The following GNB1L variants were observed in gnomAD, a reference collection of about 807,000 sequenced individuals.
GNB1L encodes the protein G protein subunit beta 1 like.
In GNB1L, 20 loss-of-function variants were observed where a neutral mutation model predicts 29.1. The ratio of observed to expected loss-of-function variants is 0.69; its 90% CI spans 0.48 to 1.00. The LOEUF is 1.00. Ranked by LOEUF, GNB1L falls within the 50% of genes least tolerant of loss-of-function variation. The pLI is 0.00. For missense variants in GNB1L, 421 were observed against 464.9 expected (o/e 0.91, Z 0.87); for synonymous variants, 193 against 206.5 (o/e 0.93, Z 0.56).
At chr22:19,793,866 C>A (rs993761553) in intron 7 of GNB1L, among the ~76,000 whole-genome samples, 1 of 152,062 alleles carries the variant, frequency 6.6e-6, no homozygotes. Context: ...TTTTTGCCAG[C>A]AGAATTGCAC....
chr22:19,806,883 C>A, intron 5 of GNB1L, 126 bp from the exon 6 acceptor site: 1 of 744,476 alleles, frequency 1.3e-6, no homozygotes, highest in South Asian at 1.5e-5. Flanking sequence ...TCCCCGTGGG[C>A]ACCTGGGAGC....
intron 1 of GNB1L, 114 bp downstream of exon 1, chr22:19,854,706 G>A (rs1456067732): frequency 1.3e-5 from 2 of 152,510 alleles, no homozygotes; most frequent in Non-Finnish European, 2.9e-5. Flanking sequence ...CCCAGGCTGG[G>A]GCTCCGAGTG....
intron 2 of GNB1L, among the ~76,000 whole-genome samples, chr22:19,829,846 A>AATAT (rs143373766): frequency 3.4e-3 from 502 of 149,740 alleles, no homozygotes; most frequent in African/African-American, 0.011. Context: ...TTAGAGGTTA[A>AATAT]ATATATATAT....
chr22:19,820,135 C>T (rs1937566544), intron 4 of GNB1L, among the ~76,000 whole-genome samples: 1 of 152,152 alleles, frequency 6.6e-6, no homozygotes, highest in African/African-American at 2.4e-5. Flanking sequence ...ACGGCCCAGG[C>T]AGGATGGGCA....
At chr22:19,815,835 A>G (rs999298528) in intron 4 of GNB1L, among the ~76,000 whole-genome samples, 10 of 152,140 alleles carry the variant, frequency 6.6e-5, no homozygotes, top group African/African-American at 2.4e-4. Context: ...CAGCCTCCCT[A>G]AGTGCTGGGA....
chr22:19,846,339 T>C, intron 2 of GNB1L: 1 of 811,726 alleles, frequency 1.2e-6, no homozygotes, highest in Non-Finnish European at 1.5e-6. Flanking sequence ...AATGCCTTTG[T>C]ACCCCCCAGG....
At chr22:19,797,468 A>G (rs1470804365) in intron 7 of GNB1L, among the ~76,000 whole-genome samples, 1 of 152,202 alleles carries the variant, frequency 6.6e-6, no homozygotes, top group Non-Finnish European at 1.5e-5. Flanking sequence ...ATTCAAGAAG[A>G]AAACCTGTAT....
chr22:19,802,327 C>T lies in GNB1L; in HGVS notation c.517-111G>A. 9 of 813,992 alleles carry T rather than the reference C, an allele frequency of 1.1e-5. No homozygotes were observed. In the South Asian group the frequency reaches 1.5e-4, roughly 13 times the overall value. 50.4% of individuals were successfully genotyped at this position (813,992 alleles called of 1,614,324 possible). ...CCCCTCCTGCTGGCTGGGGCTGTTT[C>T]CCATGTCTTCCACGTGGCTGCCACA... On this transcript the variant is annotated intron_variant, in intron 6 of 7. Transcript: ENST00000329517.
At chr22:19,801,134 G>A (rs1937365824) in intron 7 of GNB1L, among the ~76,000 whole-genome samples, 1 of 152,208 alleles carries the variant, frequency 6.6e-6, no homozygotes, top group Non-Finnish European at 1.5e-5. Context: ...TCTGCCAGTA[G>A]TCACCTCACG....
At chr22:19,834,158 C>G (rs559861543) in intron 2 of GNB1L, among the ~76,000 whole-genome samples, 2 of 151,988 alleles carry the variant, frequency 1.3e-5, no homozygotes, top group Non-Finnish European at 2.9e-5. Flanking sequence ...ACATGATGAA[C>G]CATAAACGAA....
intron 2 of GNB1L, among the ~76,000 whole-genome samples, chr22:19,824,629 G>A (rs752757787): frequency 2.0e-5 from 3 of 152,350 alleles, no homozygotes; most frequent in South Asian, 2.1e-4. Flanking sequence ...GCACCACCGC[G>A]GAGGCAGCTC....
intron 6 of GNB1L, among the ~76,000 whole-genome samples, chr22:19,806,294 G>GCCTGC (rs1295122368): frequency 2.0e-5 from 3 of 152,354 alleles, no homozygotes; most frequent in South Asian, 2.1e-4. Context: ...AGTCAGCGTG[G>GCCTGC]CCTGCCCTGC....
At chr22:19,852,227 C>T (rs9618711) in intron 2 of GNB1L, 113 of 1,611,868 alleles carry the variant, frequency 7.0e-5, no homozygotes, top group Non-Finnish European at 6.9e-5. Context: ...GATGGGAATG[C>T]GAGGGCCCTG....
chr22:19,799,029 C>T (rs1346606499), intron 7 of GNB1L, among the ~76,000 whole-genome samples: 1 of 152,264 alleles, frequency 6.6e-6, no homozygotes, highest in Non-Finnish European at 1.5e-5. Context: ...AGCTCTGCTA[C>T]TGCCCTCTAA....
At chr22:19,792,028 A>T (rs903058431) in intron 7 of GNB1L, among the ~76,000 whole-genome samples, 4 of 152,236 alleles carry the variant, frequency 2.6e-5, no homozygotes, top group Non-Finnish European at 4.4e-5. Flanking sequence ...ACTGAACTCC[A>T]TACCAGAATG....
intron 4 of GNB1L, among the ~76,000 whole-genome samples, chr22:19,818,089 C>T (rs569500048): frequency 5.3e-5 from 8 of 152,338 alleles, no homozygotes; most frequent in East Asian, 1.9e-4. Flanking sequence ...ACAGTGCAGA[C>T]GCACCTGGCA....
intron 2 of GNB1L, chr22:19,849,883 C>T (rs1229641541): frequency 1.0e-6 from 1 of 985,384 alleles, no homozygotes; most frequent in African/African-American, 1.7e-5. Flanking sequence ...CCTGCCTATC[C>T]TGTGGTAAAC....
chr22:19,812,148 GC>G (rs1197176625), intron 5 of GNB1L, 136 bp downstream of exon 5: 4 of 880,182 alleles, frequency 4.5e-6, no homozygotes, highest in Non-Finnish European at 6.8e-6. Context: ...CTGTGCATCA[GC>G]CCCGGCTGCT....
intron 2 of GNB1L, among the ~76,000 whole-genome samples, chr22:19,838,515 G>C (rs2145894845): frequency 6.6e-6 from 1 of 151,210 alleles, no homozygotes; most frequent in Non-Finnish European, 1.5e-5. Context: ...TCTGTTGCCA[G>C]GATGGAGTGC....
Sources: allele counts gnomAD v4.1 joint callset (sites outside exome capture counted in the v4.1 genomes callset), GRCh38; gene constraint gnomAD v4.1.1; transcripts MANE v1.5; gene names NCBI Gene and HGNC (gene_info 2026-07-23, HGNC 2026-07-21).